STARD13: variants seen among roughly 807,000 people sequenced by gnomAD.
The protein encoded by STARD13 is stAR-related lipid transfer protein 13.
STARD13 carries 62 observed loss-of-function variants against 106.4 expected under a neutral mutation model. That is an observed-to-expected ratio of 0.58 (90% CI 0.48 to 0.72). The LOEUF (loss-of-function observed/expected upper bound fraction) is 0.72. STARD13 is among the 30% of genes least tolerant of loss of function. The pLI is 0.00. For synonymous variants in STARD13, 565 were observed against 553.0 expected (o/e 1.02, Z -0.31); for missense variants, 1,387 against 1,424.0 (o/e 0.97, Z 0.42).
chr13:33,402,794 G>A, the STARD13 span, among the ~76,000 whole-genome samples: 5 of 152,206 alleles, frequency 3.3e-5, no homozygotes, highest in African/African-American at 1.2e-4. Flanking sequence ...GGTGGCCGGA[G>A]GGCAGTTCAG....
intron 1 of STARD13, among the ~76,000 whole-genome samples, chr13:33,243,825 T>C (rs1303689649): frequency 2.0e-5 from 3 of 152,096 alleles, no homozygotes; most frequent in Non-Finnish European, 4.4e-5. Flanking sequence ...TAAGCCCAGG[T>C]CTGGCACCTG....
At chr13:33,269,472 G>T (rs1594193134) in intron 1 of STARD13, among the ~76,000 whole-genome samples, 1 of 152,152 alleles carries the variant, frequency 6.6e-6, no homozygotes, top group South Asian at 2.1e-4. Flanking sequence ...CAGACAGCCC[G>T]CTAAGACCAC....
intron 1 of STARD13, among the ~76,000 whole-genome samples, chr13:33,216,918 C>G (rs1176806498): frequency 6.6e-6 from 1 of 152,104 alleles, no homozygotes; most frequent in Non-Finnish European, 1.5e-5. Flanking sequence ...AATCCCTGGC[C>G]CATCCCTTGG....
upstream of STARD13, among the ~76,000 whole-genome samples, chr13:33,290,484 C>T (rs1892250839): frequency 6.6e-6 from 1 of 152,252 alleles, no homozygotes; most frequent in South Asian, 2.1e-4. Context: ...CCAGTGCAGA[C>T]AAGCTGGTGA....
chr13:33,135,893 C>A (rs568868434), intron 4 of STARD13, among the ~76,000 whole-genome samples: 1 of 152,048 alleles, frequency 6.6e-6, no homozygotes, highest in African/African-American at 2.4e-5. Context: ...AAGGCCGAGG[C>A]GAACAGATCA....
At chr13:33,603,861 A>T in the STARD13 span, among the ~76,000 whole-genome samples, 1 of 152,182 alleles carries the variant, frequency 6.6e-6, no homozygotes, top group Non-Finnish European at 1.5e-5. Context: ...AAAAAAATCC[A>T]CCAGTAGAAA....
the STARD13 span, among the ~76,000 whole-genome samples, chr13:33,616,376 G>T: frequency 6.6e-6 from 1 of 152,208 alleles, no homozygotes; most frequent in Non-Finnish European, 1.5e-5. Context: ...GCAGTGTGCT[G>T]GTGGTTTTAG....
the STARD13 span, among the ~76,000 whole-genome samples, chr13:33,458,311 C>T: frequency 2.9e-4 from 43 of 147,722 alleles, no homozygotes; most frequent in Middle Eastern, 3.6e-3. Context: ...CTTGTTCTGT[C>T]GCCCAGGCTG....
chr13:33,348,529 T>G (rs1402715967), downstream of STARD13: 1 of 152,546 alleles, frequency 6.6e-6, no homozygotes, highest in Non-Finnish European at 1.5e-5. Context: ...TGACTTCTTG[T>G]TTCCTGAGGA....
the STARD13 span, among the ~76,000 whole-genome samples, chr13:33,412,393 C>T: frequency 2.0e-5 from 3 of 151,718 alleles, no homozygotes; most frequent in Non-Finnish European, 4.4e-5. Flanking sequence ...TCAAGTAACA[C>T]ACAAGAATGT....
At chr13:33,114,247 G>T (rs1875036274) in intron 8 of STARD13, among the ~76,000 whole-genome samples, 1 of 152,212 alleles carries the variant, frequency 6.6e-6, no homozygotes, top group Admixed American at 6.5e-5. Context: ...TTCCAGAAGG[G>T]CTGAGGTGTG....
chr13:33,233,813 A>G (rs1312479911), intron 1 of STARD13, among the ~76,000 whole-genome samples: 1 of 152,188 alleles, frequency 6.6e-6, no homozygotes, highest in Admixed American at 6.5e-5. Context: ...CATTCCCCTC[A>G]AGGTGACACA....
intron 1 of STARD13, among the ~76,000 whole-genome samples, chr13:33,325,963 C>T (rs981847772): frequency 1.7e-5 from 2 of 118,970 alleles, no homozygotes; most frequent in Admixed American, 1.2e-4. Context: ...CCAGCCTGGG[C>T]GACAGAGCGA....
At chr13:33,193,168 T>A (rs1487085696) in intron 1 of STARD13, among the ~76,000 whole-genome samples, 1 of 152,222 alleles carries the variant, frequency 6.6e-6, no homozygotes, top group African/African-American at 2.4e-5. Flanking sequence ...AATTTCTTCA[T>A]TTATTTATTC....
At chr13:33,175,736 T>G (rs1327473790) in intron 1 of STARD13, among the ~76,000 whole-genome samples, 2 of 152,194 alleles carry the variant, frequency 1.3e-5, no homozygotes, top group Non-Finnish European at 2.9e-5. Context: ...GAAGTCAGAT[T>G]TCTTAGCTTT....
the STARD13 span, among the ~76,000 whole-genome samples, chr13:33,571,845 T>C: frequency 1.2e-4 from 18 of 152,136 alleles, no homozygotes; most frequent in Non-Finnish European, 2.6e-4. Context: ...CCTGAAACCA[T>C]GTCTCTTCTG....
intron 7 of STARD13, among the ~76,000 whole-genome samples, chr13:33,124,725 T>A (rs866973560): frequency 6.8e-6 from 1 of 147,188 alleles, no homozygotes; most frequent in East Asian, 2.0e-4. Context: ...ATTAAAAAAA[T>A]TAAAATGTTT....
upstream of STARD13, among the ~76,000 whole-genome samples, chr13:33,290,081 G>T (rs1014043196): frequency 6.6e-6 from 1 of 152,170 alleles, no homozygotes; most frequent in Non-Finnish European, 1.5e-5. Flanking sequence ...TTTGATAGAT[G>T]ATCCCAGATT....
At chr13:33,556,377 G>A in the STARD13 span, among the ~76,000 whole-genome samples, 2 of 151,752 alleles carry the variant, frequency 1.3e-5, no homozygotes, top group South Asian at 2.1e-4. Context: ...CAATTCTTGG[G>A]CTTAAGCAAT....
Sources: gnomAD v4.1 joint callset for allele counts (sites outside exome capture counted in the v4.1 genomes callset) on GRCh38, gnomAD v4.1.1 for gene constraint, MANE v1.5 for transcripts, NCBI Gene and HGNC (gene_info 2026-07-23, HGNC 2026-07-21) for gene names.